OARD1: variants seen among roughly 807,000 people sequenced by gnomAD.
OARD1 encodes the protein ADP-ribose glycohydrolase OARD1.
OARD1 carries 19 observed loss-of-function variants against 19.7 expected under a neutral mutation model. That is an observed-to-expected ratio of 0.96 (90% confidence interval 0.67 to 1.41). The LOEUF (loss-of-function observed/expected upper bound fraction) is 1.41. Among genes scored for constraint, OARD1 ranks in the 40% most tolerant of loss-of-function variants. OARD1 has a pLI of 0.00. For synonymous variants in OARD1, 70 were observed against 61.8 expected, an observed-to-expected ratio of 1.13 and a Z score of -0.62; for missense variants, 190 against 183.8, an observed-to-expected ratio of 1.03 and a Z score of -0.20.
rs1762951676 is a variant in OARD1, at chr6:41,064,970, T to C, written c.*2365A>G. 3 of 152,042 alleles carry C rather than the reference T, an allele frequency of 2.0e-5. No homozygotes were observed. The highest frequency in any genetic ancestry group is 4.8e-5 in the African/African-American group (2 of 41,400). 9.4% of individuals were successfully genotyped at this position (152,042 alleles called of 1,614,324 possible). A position where few individuals can be genotyped will look rare whatever the true frequency, so the allele number is the denominator to read the frequency against. ...GTGGAAGCAAAAATTCACAGGTGAA[T>C]TTCCGGGTGTTTGCCAAACTCTAAC... On this transcript the variant is annotated 3_prime_UTR_variant, in exon 6 of 6. Transcript: ENST00000424266.
chr6:41,073,360 T>C (rs1763595153), upstream of OARD1, among the ~76,000 whole-genome samples: 1 of 151,796 alleles, frequency 6.6e-6, no homozygotes, highest in South Asian at 2.1e-4. Flanking sequence ...CCAGGGCCAG[T>C]TGGGAATGCG....
intron 1 of OARD1, chr6:41,094,464 C>T (rs1236738574): frequency 6.2e-7 from 1 of 1,614,186 alleles, no homozygotes; most frequent in Non-Finnish European, 8.5e-7. Context: ...GACGATTTTT[C>T]TCTCCAAAGG....
At chr6:41,080,796 T>C (rs1320357694) in intron 1 of OARD1, 1 of 1,608,234 alleles carries the variant, frequency 6.2e-7, no homozygotes, top group South Asian at 1.1e-5. Context: ...AAGCTCTTCC[T>C]GTTCCTGTTC....
At chr6:41,091,610 C>T (rs377025247) in intron 1 of OARD1, 8 of 1,614,174 alleles carry the variant, frequency 5.0e-6, no homozygotes, top group Non-Finnish European at 6.8e-6. Context: ...GAGCCAATAC[C>T]AACACAACCA....
intron 1 of OARD1, among the ~76,000 whole-genome samples, chr6:41,095,172 A>C (rs1015540688): frequency 1.3e-5 from 2 of 151,994 alleles, no homozygotes; most frequent in Non-Finnish European, 2.9e-5. Flanking sequence ...TTCAACCCCT[A>C]CCCTTTCCCA....
At chr6:41,093,660 G>A (rs565258101) in intron 1 of OARD1, among the ~76,000 whole-genome samples, 49 of 152,194 alleles carry the variant, frequency 3.2e-4, no homozygotes, top group Admixed American at 7.2e-4. Flanking sequence ...TAGTAGAGAC[G>A]GGGTTTCACC....
chr6:41,071,325 A>T (rs1250680571), intron 2 of OARD1, 49 bp from the exon 3 acceptor site: 1 of 1,555,830 alleles, frequency 6.4e-7, no homozygotes, highest in South Asian at 1.1e-5. Context: ...ATACAGTAAA[A>T]TACTAAGCTA....
rs1383683929 is a variant in OARD1, at chr6:41,065,661, C to T, written c.*1674G>A. On this transcript the variant is annotated 3_prime_UTR_variant, in exon 6 of 6. Coordinates refer to ENST00000424266, the MANE Select transcript of OARD1 (RefSeq NM_001329686.2). ...CAACATGAAGAACTTGTCTGTTCCA[C>T]CTAGAAATACAAAAGTGAAATACTT... is the stretch of plus-strand genomic sequence containing the variant. 1 of 152,214 alleles carries T rather than the reference C, an allele frequency of 6.6e-6. No homozygotes were observed. Among genetic ancestry groups the T allele is most frequent in the Non-Finnish European group, 1.5e-5 (1 of 68,036 alleles). 9.4% of individuals were successfully genotyped at this position (152,214 alleles called of 1,614,324 possible).
intron 1 of OARD1, among the ~76,000 whole-genome samples, chr6:41,093,507 G>A (rs1764252398): frequency 6.7e-6 from 1 of 149,794 alleles, no homozygotes; most frequent in Non-Finnish European, 1.5e-5. Context: ...GTCTTGCTCT[G>A]TCATCCAGGC....
At chr6:41,078,136 AC>A (rs1333781552) in intron 1 of OARD1, among the ~76,000 whole-genome samples, 2 of 152,126 alleles carry the variant, frequency 1.3e-5, no homozygotes, top group African/African-American at 4.8e-5. Flanking sequence ...ATATTTCTCC[AC>A]CCATTCATCC....
At chr6:41,077,053 G>A (rs1444737344), upstream of OARD1, among the ~76,000 whole-genome samples, 1 of 152,094 alleles carries the variant, frequency 6.6e-6, no homozygotes, top group Non-Finnish European at 1.5e-5. Flanking sequence ...AAGAAAATCT[G>A]TACGTTACAT....
chr6:41,078,310 C>T (rs1019823115), intron 1 of OARD1, among the ~76,000 whole-genome samples: 1 of 152,160 alleles, frequency 6.6e-6, no homozygotes, highest in Non-Finnish European at 1.5e-5. Flanking sequence ...GAGAGTGGTA[C>T]TGTACTTTGC....
chr6:41,092,213 G>A (rs995166903), intron 1 of OARD1, among the ~76,000 whole-genome samples: 1 of 152,160 alleles, frequency 6.6e-6, no homozygotes, highest in Admixed American at 6.5e-5. Context: ...TCTGCACAGA[G>A]GTGGAGGAAG....
chr6:41,071,597 CT>C lies in OARD1; in HGVS notation c.37del (p.Arg13GlufsTer5). 1 of 1,612,570 alleles carries C rather than the reference CT, an allele frequency of 6.2e-7. No homozygotes were observed. Among genetic ancestry groups the C allele is most frequent in the South Asian group, 1.1e-5 (1 of 91,052 alleles). On this transcript the variant is annotated frameshift_variant and splice_region_variant, in exon 2 of 6. Coordinates refer to ENST00000424266, the MANE Select transcript of OARD1 (RefSeq NM_001329686.2). LOFTEE classifies it high-confidence loss of function. ...AATAAGTCAATAGTTGTTACGCACT[CT>C]GCTTCCTTCTGGATCTTCATTAAGG... Reference protein sequence around the residue: ...SSLNEDPEGSRITYVKGDLFA... With the variant: ...SSLNEDPEGSXITYVKGDLFA...
At chr6:41,067,479 T>A (rs1011259725) in intron 5 of OARD1, 42 bp from the exon 6 acceptor site, 5 of 1,304,154 alleles carry the variant, frequency 3.8e-6, no homozygotes, top group Middle Eastern at 1.8e-4. Flanking sequence ...AACGAAAGTA[T>A]CTAGGAAACT....
intron 1 of OARD1, chr6:41,094,312 T>G: frequency 4.2e-6 from 5 of 1,190,396 alleles, no homozygotes; most frequent in Non-Finnish European, 6.2e-6. Flanking sequence ...TGTCTTAAAC[T>G]TTGGAGAATG....
intron 1 of OARD1, among the ~76,000 whole-genome samples, chr6:41,084,690 C>T (rs1351925492): frequency 6.6e-6 from 1 of 152,234 alleles, no homozygotes; most frequent in Non-Finnish European, 1.5e-5. Context: ...AGGCCAGGCG[C>T]AGTGGCTCAT....
Position 41,072,133 on chromosome 6 carries a change from G to A in OARD1, c.-42+103C>T, listed in dbSNP as rs185899528. On this transcript the variant is annotated intron_variant, in intron 1 of 5. Coordinates refer to ENST00000424266, the MANE Select transcript of OARD1 (RefSeq NM_001329686.2). ...TGGCGTGCTGAGCCCCAGGCGTGGGGAAAGGAAGGCGGCCTCTCAAGGAAC... is the reference window on the plus strand; with the variant it reads ...TGGCGTGCTGAGCCCCAGGCGTGGGAAAAGGAAGGCGGCCTCTCAAGGAAC... 4.1e-3 allele frequency: 633 copies of A among 155,544 alleles called. 4 individuals are homozygous for A. Among genetic ancestry groups the A allele is most frequent in the African/African-American group, 0.014 (563 of 41,622 alleles). 9.6% of individuals were successfully genotyped at this position (155,544 alleles called of 1,614,324 possible).
chr6:41,093,174 T>A, intron 1 of OARD1: 1 of 1,183,312 alleles, frequency 8.5e-7, no homozygotes, highest in Non-Finnish European at 1.2e-6. Flanking sequence ...TTTTCTCACG[T>A]ACCTTCCAAA....
Sources: gnomAD v4.1 joint callset for allele counts (sites outside exome capture counted in the v4.1 genomes callset) on GRCh38, gnomAD v4.1.1 for gene constraint, MANE v1.5 for transcripts, NCBI Gene and HGNC (gene_info 2026-07-23, HGNC 2026-07-21) for gene names.